UBA6: variants seen among roughly 807,000 people sequenced by gnomAD.
UBA6 encodes ubiquitin-like modifier-activating enzyme 6.
A neutral mutation model predicts 148.3 loss-of-function variants in UBA6; 87 were observed. The observed-to-expected ratio is 0.59, with a 90% CI of 0.49 to 0.70. The LOEUF is 0.70. Among genes scored for constraint, UBA6 ranks in the 30% least tolerant of loss-of-function variants. UBA6 has a pLI of 0.00. For missense variants in UBA6, 1,186 were observed against 1,241.2 expected, an observed-to-expected ratio of 0.96 and a Z score of 0.67; for synonymous variants, 376 against 401.0, an observed-to-expected ratio of 0.94 and a Z score of 0.75.
At chr4:67,647,751 T>C (rs1156236802) in intron 14 of UBA6, among the ~76,000 whole-genome samples, 1 of 151,546 alleles carries the variant, frequency 6.6e-6, no homozygotes, top group Admixed American at 6.6e-5. Flanking sequence ...ATATTAACAA[T>C]TAATTTCTAT....
chr4:67,625,954 T>C (rs995203715), intron 28 of UBA6, among the ~76,000 whole-genome samples: 1 of 151,978 alleles, frequency 6.6e-6, no homozygotes, highest in African/African-American at 2.4e-5. Context: ...TATTTCTGTT[T>C]ATAGTTCTTT....
chr4:67,699,091 C>T (rs147989467), intron 1 of UBA6, among the ~76,000 whole-genome samples: 1 of 152,160 alleles, frequency 6.6e-6, no homozygotes, highest in African/African-American at 2.4e-5. Context: ...TAGCAGTGCT[C>T]GTCCCATTTT....
At chr4:67,682,355 T>G in intron 2 of UBA6, 142 bp from the exon 3 acceptor site, 3 of 609,546 alleles carry the variant, frequency 4.9e-6, no homozygotes, top group South Asian at 2.4e-5. Flanking sequence ...GTTTAAACAT[T>G]TCTGAATTAA....
At chr4:67,652,303 A>C (rs780260217) in intron 13 of UBA6, among the ~76,000 whole-genome samples, 2 of 152,246 alleles carry the variant, frequency 1.3e-5, no homozygotes, top group African/African-American at 2.4e-5. Context: ...AGTTTATTAA[A>C]GAAGACATAT....
At chr4:67,696,833 C>A in intron 1 of UBA6, 126 bp from the exon 2 acceptor site, 2 of 661,588 alleles carry the variant, frequency 3.0e-6, no homozygotes, top group Non-Finnish European at 5.1e-6. Context: ...TTAACAACCA[C>A]TTTACTTATA....
At chr4:67,682,079 C>A (rs200743491) in intron 3 of UBA6, 40 bp downstream of exon 3, 41 of 1,446,666 alleles carry the variant, frequency 2.8e-5, no homozygotes, top group Middle Eastern at 1.7e-4. Context: ...ATCTTCATTG[C>A]TCAAAAGTGT....
intron 26 of UBA6, 77 bp from the exon 27 acceptor site, chr4:67,629,219 CT>C: frequency 1.1e-6 from 1 of 902,862 alleles, no homozygotes; most frequent in East Asian, 2.4e-5. Flanking sequence ...ACAAAAGGTC[CT>C]TAATCATATT....
intron 17 of UBA6, among the ~76,000 whole-genome samples, chr4:67,642,618 G>A (rs998115850): frequency 1.6e-4 from 25 of 151,980 alleles, no homozygotes; most frequent in Non-Finnish European, 2.9e-5. Context: ...CTCTTGAACT[G>A]AGTATAGGTT....
Position 67,612,969 on chromosome 4 carries a change from T to A in UBA6, c.*6028A>T, listed in dbSNP as rs1728566034. 1 of 152,116 alleles carries A rather than the reference T, an allele frequency of 6.6e-6. No homozygotes were observed. The highest frequency in any genetic ancestry group is 6.6e-5 in the Admixed American group (1 of 15,262). 9.4% of individuals were successfully genotyped at this position (152,116 alleles called of 1,614,324 possible). A position where few individuals can be genotyped will look rare whatever the true frequency, so the allele number is the denominator to read the frequency against. On this transcript the variant is annotated 3_prime_UTR_variant, in exon 33 of 33. Coordinates refer to ENST00000322244, the MANE Select transcript of UBA6 (RefSeq NM_018227.6). ...AGATTGCAAAAGGCCACTGGGAAGTTGAGTAGATAGAGCTAAGGGGCTAAA... is the reference window on the plus strand; with the variant it reads ...AGATTGCAAAAGGCCACTGGGAAGTAGAGTAGATAGAGCTAAGGGGCTAAA...
intron 3 of UBA6, 114 bp from the exon 4 acceptor site, chr4:67,681,705 C>T (rs1730444140): frequency 1.5e-6 from 1 of 686,626 alleles, no homozygotes; most frequent in Non-Finnish European, 2.4e-6. Flanking sequence ...TTTTTTACTA[C>T]TTAATACAAG....
At chr4:67,667,268 A>G (rs1446267705) in intron 9 of UBA6, among the ~76,000 whole-genome samples, 1 of 152,196 alleles carries the variant, frequency 6.6e-6, no homozygotes, top group Non-Finnish European at 1.5e-5. Flanking sequence ...ATAGTCAGGA[A>G]ACAAAATTAA....
Position 67,619,107 on chromosome 4 carries a change from T to C in UBA6, c.3049A>G (p.Thr1017Ala), listed in dbSNP as rs1188387008. The C allele has an allele frequency of 1.2e-6, 2 of 1,608,330 alleles. No homozygotes were observed. The highest frequency in any genetic ancestry group is 2.2e-5 in the East Asian group (1 of 44,838). The change falls in exon 33 of 33, where the codon ACT (threonine) becomes GCT (alanine). Residue 1017 changes from threonine (T) to alanine (A), a missense_variant. Coordinates refer to ENST00000322244, the MANE Select transcript of UBA6 (RefSeq NM_018227.6). ...GTAAGATCCACATATTTCTTTTCAG[T>C]AGTAGGTTTTACAAGTTTATGCATT... The part of the protein sequence containing the change: ...LTMHKLVKPT[T>A]EKKYVDLTVS...
In UBA6 at chr4:67,688,729, TC is replaced by T. The variant is rs79730075; in HGVS notation, c.135-6517del. Among the ~76,000 whole-genome samples, 1,038 of 152,232 alleles carry T rather than the reference TC, an allele frequency of 6.8e-3. 48 individuals carry two copies. The East Asian group carries it at 0.12, about 18-fold the overall frequency. On this transcript the variant is annotated intron_variant, in intron 2 of 32. Coordinates refer to ENST00000322244, the MANE Select transcript of UBA6 (RefSeq NM_018227.6). ...TACTAAAATTGCTCTAAAAGATATT[TC>T]CTAGTTAAATATATATGTACAAATA...
At chr4:67,647,454 A>G (rs1341262243) in intron 14 of UBA6, among the ~76,000 whole-genome samples, 1 of 151,982 alleles carries the variant, frequency 6.6e-6, no homozygotes, top group Non-Finnish European at 1.5e-5. Flanking sequence ...TCATAATTTG[A>G]TTACTTTTTG....
In UBA6 at chr4:67,614,930, G is replaced by A. The variant is rs2109887149; in HGVS notation, c.*4067C>T. 1.3e-5 allele frequency: 2 copies of A among 152,164 alleles called. No homozygotes were observed. Among genetic ancestry groups the A allele is most frequent in the Middle Eastern group, 6.8e-3 (2 of 294 alleles). The allele number at this position is 152,164 out of a possible 1,614,324, so 9.4% of individuals were successfully genotyped here. On this transcript the variant is annotated 3_prime_UTR_variant, in exon 33 of 33. Coordinates refer to ENST00000322244, the MANE Select transcript of UBA6 (RefSeq NM_018227.6). The stretch of plus-strand genomic sequence containing the variant: ...TTTACAAAAACAGAAAGTCAAATTG[G>A]CCAATAAACTTATGAAAAAATACTC...
At chr4:67,684,480 G>C (rs1054299956) in intron 2 of UBA6, among the ~76,000 whole-genome samples, 9 of 151,932 alleles carry the variant, frequency 5.9e-5, no homozygotes, top group Admixed American at 2.6e-4. Flanking sequence ...AATTTTATGG[G>C]ACATTTTTAA....
chr4:67,621,076 C>T (rs1353683101), intron 32 of UBA6, among the ~76,000 whole-genome samples: 2 of 152,114 alleles, frequency 1.3e-5, no homozygotes, highest in African/African-American at 4.8e-5. Flanking sequence ...AAATAACCTG[C>T]CGCAAATTTT....
chr4:67,663,673 ATTACT>A (rs1379175983), intron 11 of UBA6: 2 of 506,178 alleles, frequency 4.0e-6, no homozygotes, highest in Admixed American at 3.7e-5. Flanking sequence ...ACTTTTTCCT[ATTACT>A]TTATCATTTT....
At chr4:67,686,832 T>G (rs1488165497) in intron 2 of UBA6, among the ~76,000 whole-genome samples, 1 of 151,138 alleles carries the variant, frequency 6.6e-6, no homozygotes, top group African/African-American at 2.4e-5. Context: ...CACACACCTG[T>G]GGTCCTACCT....
Sources: allele counts gnomAD v4.1 joint callset (sites outside exome capture counted in the v4.1 genomes callset), GRCh38; gene constraint gnomAD v4.1.1; transcripts MANE v1.5; gene names NCBI Gene and HGNC (gene_info 2026-07-23, HGNC 2026-07-21).